The following UBXN7 variants were observed in gnomAD, a reference collection of about 807,000 sequenced individuals.
The protein encoded by UBXN7 is UBX domain protein 7.
A neutral mutation model predicts 58.0 loss-of-function variants in UBXN7; 9 were observed. The ratio of observed to expected loss-of-function variants is 0.16; its 90% confidence interval spans 0.09 to 0.27. UBXN7 has a LOEUF of 0.27. Ranked by LOEUF, UBXN7 falls within the 10% of genes least tolerant of loss-of-function variation. UBXN7 has a pLI of 1.00. For missense variants in UBXN7, 328 were observed against 599.6 expected (o/e 0.55, Z 4.73); for synonymous variants, 208 against 205.0 (o/e 1.01, Z -0.12).
At chr3:196,430,589 G>A (rs1730998833) in intron 1 of UBXN7, among the ~76,000 whole-genome samples, 1 of 151,876 alleles carries the variant, frequency 6.6e-6, no homozygotes, top group Non-Finnish European at 1.5e-5. Context: ...GCCTCACTAT[G>A]TTTTGCCCAG....
chr3:196,422,269 G>A (rs1730712410), intron 1 of UBXN7, among the ~76,000 whole-genome samples: 1 of 151,982 alleles, frequency 6.6e-6, no homozygotes, highest in Admixed American at 6.6e-5. Context: ...GGGAGACCAA[G>A]GCAGGAGTTT....
At chr3:196,410,986 A>T (rs1226062824) in intron 1 of UBXN7, among the ~76,000 whole-genome samples, 4 of 152,092 alleles carry the variant, frequency 2.6e-5, no homozygotes, top group African/African-American at 9.7e-5. Flanking sequence ...ACTAAATTAC[A>T]TGCTTAGAAT....
intron 5 of UBXN7, among the ~76,000 whole-genome samples, chr3:196,379,521 G>A (rs1475467955): frequency 6.6e-6 from 1 of 152,124 alleles, no homozygotes. Context: ...TTAATCCTAA[G>A]GGTTGTAGAG....
chr3:196,390,044 C>A (rs1729528657), intron 5 of UBXN7, among the ~76,000 whole-genome samples: 1 of 151,866 alleles, frequency 6.6e-6, no homozygotes, highest in South Asian at 2.1e-4. Flanking sequence ...ACAGCAAGAC[C>A]CCCTCTCCAC....
At chr3:196,429,828 G>C (rs187630109) in intron 1 of UBXN7, among the ~76,000 whole-genome samples, 1 of 152,148 alleles carries the variant, frequency 6.6e-6, no homozygotes, top group Non-Finnish European at 1.5e-5. Flanking sequence ...TCGCTCTGTA[G>C]ATCTCCAGAT....
chr3:196,397,556 T>A (rs1729814786), intron 3 of UBXN7: 1 of 152,384 alleles, frequency 6.6e-6, no homozygotes, highest in African/African-American at 2.4e-5. Context: ...CAGTGGCTAT[T>A]CACAGGCACA....
rs929329345 is a variant in UBXN7, at chr3:196,368,825, CTT to C, written c.706+594_706+595del. On this transcript the variant is annotated intron_variant, in intron 7 of 10. Transcript: ENST00000296328. ...TTTTAATGATAAAAAAAACTTTTGT[CTT>C]GTTTTGTTTTTTTGAGATGGAGTCT... 1.3e-5 allele frequency among the ~76,000 whole-genome samples: 2 copies of C among 152,042 alleles called. 1 individual carries two copies. Among genetic ancestry groups the C allele is most frequent in the South Asian group, 4.1e-4 (2 of 4,822 alleles).
chr3:196,424,407 T>G (rs1294138155), intron 1 of UBXN7, among the ~76,000 whole-genome samples: 1 of 145,026 alleles, frequency 6.9e-6, no homozygotes, highest in African/African-American at 2.7e-5. Context: ...TTTTTTTTTT[T>G]TTTAAGAGAC....
chr3:196,356,866 A>G lies in UBXN7; in HGVS notation c.1309-20T>C, dbSNP rs760679333. 1 of 1,594,906 alleles carries G rather than the reference A, an allele frequency of 6.3e-7. No individual in the cohort carries two copies. Among genetic ancestry groups the G allele is most frequent in the Non-Finnish European group, 8.5e-7 (1 of 1,175,854 alleles). On this transcript the variant is annotated intron_variant, in intron 10 of 10. Transcript: ENST00000296328. ...CAAAGCCTATAAAAACAAGAGAAAG[A>G]CAAAGCCATTAGACGGAAAAAGAGG...
chr3:196,417,655 C>T (rs1388915609), intron 1 of UBXN7, among the ~76,000 whole-genome samples: 4 of 135,832 alleles, frequency 2.9e-5, no homozygotes, highest in Non-Finnish European at 6.2e-5. Context: ...GTAATCCCAA[C>T]ACTTTGGAAG....
At chr3:196,384,210 C>T (rs1226769553) in intron 5 of UBXN7, among the ~76,000 whole-genome samples, 11 of 152,038 alleles carry the variant, frequency 7.2e-5, no homozygotes, top group African/African-American at 2.7e-4. Context: ...AAGAAATGGG[C>T]AAATTCCTGG....
chr3:196,360,415 C>A (rs1371658791), intron 10 of UBXN7, among the ~76,000 whole-genome samples: 1 of 152,176 alleles, frequency 6.6e-6, no homozygotes, highest in East Asian at 1.9e-4. Flanking sequence ...GAAGCCAATG[C>A]TCATTTAACA....
At chr3:196,374,988 G>GGAAGGA (rs1728962184) in intron 5 of UBXN7, among the ~76,000 whole-genome samples, 3 of 25,128 alleles carry the variant, frequency 1.2e-4, no homozygotes, top group Non-Finnish European at 2.2e-4. Context: ...GGAAGGAAGG[G>GGAAGGA]AGGGAGGGAG....
intron 1 of UBXN7, chr3:196,431,890 C>G: frequency 2.8e-6 from 1 of 359,128 alleles, no homozygotes; most frequent in Non-Finnish European, 5.6e-6. Context: ...GCAGAATGAC[C>G]TGGCCGGGGA....
chr3:196,423,728 T>C (rs1444877747), intron 1 of UBXN7, among the ~76,000 whole-genome samples: 1 of 152,104 alleles, frequency 6.6e-6, no homozygotes, highest in African/African-American at 2.4e-5. Flanking sequence ...AAACCCAAAG[T>C]ACCTTGGGGC....
intron 6 of UBXN7, 104 bp downstream of exon 6, chr3:196,371,791 CT>C: frequency 1.1e-5 from 16 of 1,437,482 alleles, no homozygotes; most frequent in African/African-American, 1.4e-5. Flanking sequence ...CCGGCTTTAC[CT>C]TTTTTTAAAT....
chr3:196,424,519 A>G (rs1446342847), intron 1 of UBXN7, among the ~76,000 whole-genome samples: 1 of 149,260 alleles, frequency 6.7e-6, no homozygotes, highest in African/African-American at 2.5e-5. Context: ...GTCAACCAGG[A>G]TTACAGGTGC....
intron 1 of UBXN7, among the ~76,000 whole-genome samples, chr3:196,430,021 G>A (rs551796367): frequency 6.6e-6 from 1 of 152,270 alleles, no homozygotes; most frequent in African/African-American, 2.4e-5. Context: ...TCAGAGTTTG[G>A]GAAGAGTAGT....
At chr3:196,372,317 T>G (rs998168342) in intron 5 of UBXN7, among the ~76,000 whole-genome samples, 4 of 150,480 alleles carry the variant, frequency 2.7e-5, no homozygotes, top group Admixed American at 6.6e-5. Context: ...TCTCTCTCTC[T>G]CTCTCTCTCC....
Sources: gnomAD v4.1 joint callset for allele counts (sites outside exome capture counted in the v4.1 genomes callset) on GRCh38, gnomAD v4.1.1 for gene constraint, MANE v1.5 for transcripts, NCBI Gene and HGNC (gene_info 2026-07-23, HGNC 2026-07-21) for gene names.